Variants in USP40 observed in about 807,000 individuals in gnomAD.
USP40 encodes the protein ubiquitin carboxyl-terminal hydrolase 40.
USP40 carries 143 observed loss-of-function variants against 166.2 expected under a neutral mutation model. The ratio of observed to expected loss-of-function variants is 0.86; its 90% CI spans 0.75 to 0.99. The LOEUF is 0.99. Ranked by LOEUF, USP40 falls within the 50% of genes least tolerant of loss-of-function variation. The pLI, the probability that USP40 is intolerant of heterozygous loss-of-function variation, is 0.00. For missense variants in USP40, 1,444 were observed against 1,479.7 expected (o/e 0.98, Z 0.40); for synonymous variants, 498 against 524.0 (o/e 0.95, Z 0.68).
chr2:233,508,987 C>A (rs2066616218), intron 21 of USP40, among the ~76,000 whole-genome samples: 1 of 152,180 alleles, frequency 6.6e-6, no homozygotes, highest in Non-Finnish European at 1.5e-5. Flanking sequence ...GGCTTCACTG[C>A]TTTCTGTGAT....
chr2:233,491,367 A>T (rs2065325274), intron 25 of USP40, 106 bp from the exon 26 acceptor site: 1 of 848,094 alleles, frequency 1.2e-6, no homozygotes, highest in Non-Finnish European at 1.9e-6. Flanking sequence ...TTAAAATTCC[A>T]CTCAAGAGCC....
intron 21 of USP40, among the ~76,000 whole-genome samples, chr2:233,500,914 C>A (rs1480675169): frequency 6.6e-6 from 1 of 152,128 alleles, no homozygotes; most frequent in Non-Finnish European, 1.5e-5. Context: ...ATGATGTTAT[C>A]TGATTGCAAC....
Position 233,554,362 on chromosome 2 carries a change from G to A in USP40, c.693+18C>T. 12 of 1,586,514 alleles carry A rather than the reference G, an allele frequency of 7.6e-6. No homozygotes were observed. Among genetic ancestry groups the A allele is most frequent in the Non-Finnish European group, 9.4e-6 (11 of 1,169,678 alleles). The stretch of plus-strand genomic sequence containing the variant: ...TACAAAGTGGGGACCCTGGGAAAAA[G>A]CAGTTATCTGTCTTTACCTTTGCTG... On this transcript the variant is annotated intron_variant, in intron 6 of 31. Transcript: ENST00000678225.
chr2:233,541,848 T>C (rs1038586879), intron 9 of USP40, among the ~76,000 whole-genome samples: 3 of 152,142 alleles, frequency 2.0e-5, no homozygotes, highest in Non-Finnish European at 4.4e-5. Context: ...ATGCAATAAA[T>C]TGCAAAACAG....
Position 233,518,554 on chromosome 2 carries a change from G to A in USP40, c.2383+1060C>T, listed in dbSNP as rs2067419584. 2.2e-5 allele frequency among the ~76,000 whole-genome samples: 3 copies of A among 136,536 alleles called. No individual in the cohort carries two copies. In the South Asian group the frequency reaches 7.1e-4, roughly 32 times the overall value. 89.6% of individuals were successfully genotyped at this position (136,536 alleles called of 152,430 possible). ...TGCACTCCAGCCTGGCTGACAGAGT[G>A]AGACTCTGTCTCAAAAAAAAAAAAA... is the stretch of plus-strand genomic sequence containing the variant. On this transcript the variant is annotated intron_variant, in intron 18 of 31. Coordinates refer to ENST00000678225, the MANE Select transcript of USP40 (RefSeq NM_001365479.2).
chr2:233,544,511 T>C (rs1038832774), intron 8 of USP40, among the ~76,000 whole-genome samples: 1 of 152,148 alleles, frequency 6.6e-6, no homozygotes, highest in Admixed American at 6.5e-5. Context: ...CCTCTAATAA[T>C]GGGACTGGCT....
intron 2 of USP40, among the ~76,000 whole-genome samples, chr2:233,563,775 T>C (rs1351676209): frequency 6.6e-6 from 1 of 152,168 alleles, no homozygotes; most frequent in Non-Finnish European, 1.5e-5. Flanking sequence ...CAGGCTAAGC[T>C]ATACAAGCAG....
chr2:233,551,298 C>G, intron 7 of USP40, 78 bp downstream of exon 7: 8 of 1,439,428 alleles, frequency 5.6e-6, no homozygotes, highest in Non-Finnish European at 7.5e-6. Context: ...TCACAATAAA[C>G]CAACTGAAAA....
chr2:233,559,293 A>G (rs1473286364), intron 4 of USP40, among the ~76,000 whole-genome samples: 2 of 152,264 alleles, frequency 1.3e-5, no homozygotes, highest in Non-Finnish European at 1.5e-5. Context: ...AAGTCAGGAC[A>G]GGAATAAAAA....
rs201097038 is a variant in USP40, at chr2:233,527,592, C to A, written c.1554-14G>T. The A allele has an allele frequency of 1.9e-6, 3 of 1,585,328 alleles. No homozygotes were observed. The highest frequency in any genetic ancestry group is 2.2e-5 in the East Asian group (1 of 44,538). On this transcript the variant is annotated splice_polypyrimidine_tract_variant and intron_variant, in intron 12 of 31. Coordinates refer to ENST00000678225, the MANE Select transcript of USP40 (RefSeq NM_001365479.2). ...TCACATTCTGCCCTTTAAAGAGGCACAAAAATACATAAATACTGTGTTTTT... is the reference window on the plus strand; with the variant it reads ...TCACATTCTGCCCTTTAAAGAGGCAAAAAAATACATAAATACTGTGTTTTT...
intron 30 of USP40, among the ~76,000 whole-genome samples, chr2:233,484,911 T>C (rs555364731): frequency 2.0e-5 from 3 of 152,338 alleles, no homozygotes; most frequent in Admixed American, 2.0e-4. Flanking sequence ...TTTAGTACAG[T>C]GTTAAACAGA....
At position 233,496,780 on chromosome 2, in the gene USP40, A is replaced by G. The variant is rs2065773259; in HGVS notation, c.2768T>C (p.Ile923Thr). ...TACCAGAGGAGGAAGTTGTCCTTCA[A>G]TTAAAAGCAAAGTATCTCCAGAACA... ...LICSGDTLLLIEGQLPPLGFL... is the reference protein window; with the variant it reads ...LICSGDTLLLTEGQLPPLGFL... Residue 923 changes from isoleucine to threonine, a missense_variant, in exon 24 of 32, where the codon ATT becomes ACT. By Grantham distance (89) the Ile-to-Thr change is moderately conservative. Transcript: ENST00000678225. 6.2e-7 allele frequency: 1 copy of G among 1,612,732 alleles called. No homozygotes were observed. The highest frequency in any genetic ancestry group is 1.7e-5 in the Admixed American group (1 of 59,964).
chr2:233,554,034 T>A (rs1166256336), intron 6 of USP40, among the ~76,000 whole-genome samples: 2 of 152,228 alleles, frequency 1.3e-5, no homozygotes, highest in Non-Finnish European at 2.9e-5. Flanking sequence ...GACAGCCATC[T>A]ACTTTCATAG....
In USP40 at chr2:233,562,577, A is replaced by AG. The variant is rs1014272336; in HGVS notation, c.267+158dup. ...CTGGGGACTGTTGTGGGTTGGGGGG[A>AG]GGGGGGAGGGATAGCATTGGGAGGT... On this transcript the variant is annotated intron_variant, in intron 3 of 31. Coordinates refer to ENST00000678225, the MANE Select transcript of USP40 (RefSeq NM_001365479.2). Among the ~76,000 whole-genome samples the AG allele has an allele frequency of 1.0e-4, 6 of 60,120 alleles. No individual in the cohort carries two copies. The Admixed American group carries it at 1.2e-3, about 12-fold the overall frequency. The allele number at this position is 60,120 out of a possible 152,430, so 39.4% of individuals were successfully genotyped here. A position where few individuals can be genotyped will look rare whatever the true frequency, so the allele number is the denominator to read the frequency against.
chr2:233,524,618 TAAAG>T, intron 14 of USP40, 56 bp from the exon 15 acceptor site: 10 of 1,346,736 alleles, frequency 7.4e-6, no homozygotes, highest in Non-Finnish European at 9.0e-6. Context: ...ACAACTGAGC[TAAAG>T]AAAGAGCTGA....
intron 26 of USP40, 141 bp from the exon 27 acceptor site, chr2:233,489,624 A>G (rs1333621181): frequency 1.4e-6 from 1 of 695,782 alleles, no homozygotes; most frequent in Non-Finnish European, 2.4e-6. Flanking sequence ...TCATTTTAAA[A>G]GTCACAGGAA....
chr2:233,525,830 T>G (rs951372620), intron 13 of USP40, among the ~76,000 whole-genome samples: 1 of 152,192 alleles, frequency 6.6e-6, no homozygotes, highest in Non-Finnish European at 1.5e-5. Flanking sequence ...TTCTGCTTAA[T>G]ATATATGAAG....
In USP40 at chr2:233,493,325, C is replaced by T. The variant is rs534469276; in HGVS notation, c.2917+100G>A. On this transcript the variant is annotated intron_variant, in intron 25 of 31. Coordinates refer to ENST00000678225, the MANE Select transcript of USP40 (RefSeq NM_001365479.2). This position sits in a 1 kb window ranked among gnomAD's most constrained non-coding sequence, Gnocchi z 4.7. ...ATAGGTCTTGATTTTCAAGATCTTA[C>T]GTTTTAAAAATAAATATATCAATTG... 2.7e-5 allele frequency: 41 copies of T among 1,504,352 alleles called. No individual in the cohort carries two copies. The South Asian group carries it at 2.8e-4, about 10-fold the overall frequency. The allele number at this position is 1,504,352 out of a possible 1,614,324, so 93.2% of individuals were successfully genotyped here. A position where few individuals can be genotyped will look rare whatever the true frequency, so the allele number is the denominator to read the frequency against.
At chr2:233,509,838 TAAAAAAAAAA>T (rs746629187) in intron 21 of USP40, among the ~76,000 whole-genome samples, 1 of 80,826 alleles carries the variant, frequency 1.2e-5, no homozygotes, top group South Asian at 4.4e-4. Flanking sequence ...TGAGACTCTC[TAAAAAAAAAA>T]AAAAAAAAAA....
Sources: gnomAD v4.1 joint callset for allele counts (sites outside exome capture counted in the v4.1 genomes callset) on GRCh38, gnomAD v4.1.1 for gene constraint, Gnocchi (gnomAD v3.1) non-coding constraint, MANE v1.5 for transcripts, NCBI Gene and HGNC (gene_info 2026-07-23, HGNC 2026-07-21) for gene names.